Variants in DGKG observed in about 807,000 individuals in gnomAD.
The protein encoded by DGKG is DAG kinase gamma.
In DGKG, 78 loss-of-function variants were observed where a neutral mutation model predicts 105.3. That is an observed-to-expected ratio of 0.74 (90% CI 0.62 to 0.89). The LOEUF (loss-of-function observed/expected upper bound fraction) is 0.89. DGKG is among the 40% of genes least tolerant of loss of function. The pLI, the probability that DGKG is intolerant of heterozygous loss-of-function variation, is 0.00. For synonymous variants in DGKG, 346 were observed against 367.1 expected, an observed-to-expected ratio of 0.94 and a Z score of 0.66; for missense variants, 958 against 1,020.1, an observed-to-expected ratio of 0.94 and a Z score of 0.83.
At chr3:186,332,115 C>T (rs1032611277) in intron 1 of DGKG, among the ~76,000 whole-genome samples, 4 of 152,086 alleles carry the variant, frequency 2.6e-5, no homozygotes, top group Non-Finnish European at 5.9e-5. Flanking sequence ...TGTGGAGATG[C>T]CACGCCCTGG....
chr3:186,289,257 G>T (rs1400090367), intron 5 of DGKG, among the ~76,000 whole-genome samples: 2 of 152,160 alleles, frequency 1.3e-5, no homozygotes, highest in Admixed American at 1.3e-4. Context: ...TTTCAAAATG[G>T]TAAATGGCCA....
chr3:186,325,777 A>G (rs1390248442), intron 1 of DGKG, among the ~76,000 whole-genome samples: 1 of 151,942 alleles, frequency 6.6e-6, no homozygotes, highest in Non-Finnish European at 1.5e-5. Context: ...ACAGATTCTT[A>G]TTTTATTCTG....
rs185619415 is a variant in DGKG at position 186,292,525 on chromosome 3, G to A, written c.374-3645C>T. On this transcript the variant is annotated intron_variant, in intron 5 of 24. Coordinates refer to ENST00000265022, the MANE Select transcript of DGKG (RefSeq NM_001346.3). ...ACTGGGTCCCAAGGCCGGGCACGGTGGCTCATACCTGTAATCCCAGCACTT... is the reference window on the plus strand; with the variant it reads ...ACTGGGTCCCAAGGCCGGGCACGGTAGCTCATACCTGTAATCCCAGCACTT... 3.3e-5 allele frequency among the ~76,000 whole-genome samples: 5 copies of A among 152,306 alleles called. No homozygotes were observed. The East Asian group carries it at 7.7e-4, about 24-fold the overall frequency.
Position 186,237,715 on chromosome 3 carries a change from C to T in DGKG, c.1826+4789G>A, listed in dbSNP as rs145470933. 6.9e-3 allele frequency among the ~76,000 whole-genome samples: 1,050 copies of T among 152,250 alleles called. 8 individuals are homozygous for T. Among genetic ancestry groups the T allele is most frequent in the African/African-American group, 0.024 (997 of 41,544 alleles). On this transcript the variant is annotated intron_variant, in intron 20 of 24. Transcript: ENST00000265022. ...TGAAATCTATGTGAGACAGCAGTTG[C>T]GGCAAACAGAGCTTGGACTCTGGAG...
intron 20 of DGKG, among the ~76,000 whole-genome samples, chr3:186,213,984 CA>C (rs1278792461): frequency 6.6e-6 from 1 of 152,202 alleles, no homozygotes; most frequent in Non-Finnish European, 1.5e-5. Flanking sequence ...TCCTTTTTGG[CA>C]GCAAGAGCAT....
At chr3:186,228,906 G>T (rs1281329516) in intron 20 of DGKG, among the ~76,000 whole-genome samples, 1 of 152,148 alleles carries the variant, frequency 6.6e-6, no homozygotes, top group East Asian at 1.9e-4. Flanking sequence ...AAAATGATAT[G>T]CTAAAGTCCT....
At chr3:186,350,039 A>T (rs886574688) in intron 1 of DGKG, among the ~76,000 whole-genome samples, 1 of 152,002 alleles carries the variant, frequency 6.6e-6, no homozygotes, top group Admixed American at 6.6e-5. Context: ...GTGTGCCACC[A>T]TGCCTGGCTA....
intron 20 of DGKG, among the ~76,000 whole-genome samples, chr3:186,238,719 C>T (rs909754126): frequency 5.3e-5 from 8 of 152,192 alleles, no homozygotes; most frequent in South Asian, 2.1e-4. Context: ...CCATCTCTGC[C>T]GTTAAAGGCC....
intron 17 of DGKG, 25 bp from the exon 18 acceptor site, chr3:186,253,207 G>C: frequency 6.3e-7 from 1 of 1,576,156 alleles, no homozygotes. Flanking sequence ...GAGGAACAGA[G>C]AACCATATGC....
chr3:186,310,964 G>T (rs1724514336), intron 2 of DGKG, among the ~76,000 whole-genome samples: 1 of 152,216 alleles, frequency 6.6e-6, no homozygotes, highest in African/African-American at 2.4e-5. Flanking sequence ...CAGCTCGTAA[G>T]TCACACTTCT....
At chr3:186,287,297 A>G (rs1221768324) in intron 6 of DGKG, among the ~76,000 whole-genome samples, 2 of 152,138 alleles carry the variant, frequency 1.3e-5, no homozygotes, top group African/African-American at 4.8e-5. Flanking sequence ...AGAGTCTGCG[A>G]TTTTAGAGGT....
At chr3:186,277,331 A>G (rs745522371) in intron 9 of DGKG, among the ~76,000 whole-genome samples, 28 of 152,244 alleles carry the variant, frequency 1.8e-4, no homozygotes, top group Non-Finnish European at 3.8e-4. Context: ...TTGACGTGGA[A>G]GGAGGTAGAT....
chr3:186,297,579 G>A, intron 4 of DGKG, 96 bp from the exon 5 acceptor site: 1 of 856,032 alleles, frequency 1.2e-6, no homozygotes, highest in Non-Finnish European at 2.0e-6. Flanking sequence ...GGTTTGCCTT[G>A]ATTGTGTCTG....
intron 19 of DGKG, among the ~76,000 whole-genome samples, chr3:186,246,188 T>A (rs1364168673): frequency 2.6e-5 from 4 of 152,128 alleles, no homozygotes; most frequent in African/African-American, 9.7e-5. Flanking sequence ...GCCAGGCTGG[T>A]CTCAAACTCC....
At chr3:186,179,760 T>C (rs568904890) in intron 22 of DGKG, among the ~76,000 whole-genome samples, 16 of 152,256 alleles carry the variant, frequency 1.1e-4, no homozygotes, top group Non-Finnish European at 1.5e-4. Flanking sequence ...TACTTTCTGA[T>C]GTAGAGTCAG....
chr3:186,223,428 A>G (rs1282718084), intron 20 of DGKG, among the ~76,000 whole-genome samples: 1 of 152,032 alleles, frequency 6.6e-6, no homozygotes, highest in African/African-American at 2.4e-5. Flanking sequence ...TGCCTTCCCC[A>G]CCATCGGCTG....
intron 21 of DGKG, among the ~76,000 whole-genome samples, chr3:186,206,374 C>G (rs1346162729): frequency 1.3e-5 from 2 of 151,356 alleles, no homozygotes; most frequent in Admixed American, 6.6e-5. Flanking sequence ...CAGAGCAAGA[C>G]TCTGTCAAAA....
At chr3:186,287,854 T>C (rs1460988806) in intron 6 of DGKG, among the ~76,000 whole-genome samples, 1 of 152,238 alleles carries the variant, frequency 6.6e-6, no homozygotes, top group Non-Finnish European at 1.5e-5. Context: ...ACTAGTCTTA[T>C]TATTAACTGG....
intron 9 of DGKG, 143 bp from the exon 10 acceptor site, chr3:186,275,807 AAAC>A (rs1157993655): frequency 3.5e-6 from 2 of 568,298 alleles, no homozygotes; most frequent in Admixed American, 3.7e-5. Context: ...ATACAAATAA[AAAC>A]AAAATTTTTG....
Sources: gnomAD v4.1 joint callset for allele counts (sites outside exome capture counted in the v4.1 genomes callset) on GRCh38, gnomAD v4.1.1 for gene constraint, MANE v1.5 for transcripts, NCBI Gene and HGNC (gene_info 2026-07-23, HGNC 2026-07-21) for gene names.